ZMAT3: variants seen among roughly 807,000 people sequenced by gnomAD.
ZMAT3 encodes zinc finger matrin-type protein 3.
ZMAT3 carries 17 observed loss-of-function variants against 32.3 expected under a neutral mutation model. The observed-to-expected ratio is 0.53, with a 90% confidence interval of 0.36 to 0.79. The LOEUF (loss-of-function observed/expected upper bound fraction) is 0.79. Ranked by LOEUF, ZMAT3 falls within the 30% of genes least tolerant of loss-of-function variation. The probability of loss-of-function intolerance (pLI) is 0.00; values close to 1 mark genes in which losing one functional copy is unlikely to be tolerated. For missense variants in ZMAT3, 329 were observed against 359.7 expected, an observed-to-expected ratio of 0.91 and a Z score of 0.69; for synonymous variants, 120 against 133.1, an observed-to-expected ratio of 0.90 and a Z score of 0.68.
rs1242683123 is a variant in ZMAT3, at chr3:179,067,243, C to A, written c.270+240G>T. Among the ~76,000 whole-genome samples, 4 of 152,210 alleles carry A rather than the reference C, an allele frequency of 2.6e-5. No individual in the cohort carries two copies. The East Asian group carries it at 5.8e-4, about 22-fold the overall frequency. ...GATCATTTACATTTGCCTACAAAGA[C>A]TGGTAAGCTATCGCATGCCACACAG... On this transcript the variant is annotated intron_variant, in intron 2 of 5. Coordinates refer to ENST00000311417, the MANE Select transcript of ZMAT3 (RefSeq NM_022470.4).
chr3:179,025,261 A>C (rs1188027933), intron 5 of ZMAT3, 33 bp from the exon 6 acceptor site: 1 of 1,516,632 alleles, frequency 6.6e-7, no homozygotes. Flanking sequence ...TATATTCAAA[A>C]TATTCATTAA....
At chr3:179,031,682 G>A (rs1719203903) in intron 2 of ZMAT3, among the ~76,000 whole-genome samples, 2 of 152,126 alleles carry the variant, frequency 1.3e-5, no homozygotes, top group South Asian at 4.1e-4. Flanking sequence ...CAAGGAGGGT[G>A]GATGACCTGA....
rs1718344110 is a variant in ZMAT3, at chr3:179,017,723, T to G, written c.*7294A>C. The G allele has an allele frequency of 6.6e-6, 1 of 152,218 alleles. No homozygotes were observed. Among genetic ancestry groups the G allele is most frequent in the East Asian group, 1.9e-4 (1 of 5,208 alleles). The allele number at this position is 152,218 out of a possible 1,614,324, so 9.4% of individuals were successfully genotyped here. The stretch of plus-strand genomic sequence containing the variant: ...AAGGGTTCTAAAGCCTCCCTTGGTT[T>G]TACATTTTATTCTCTAATTTAAAAC... On this transcript the variant is annotated 3_prime_UTR_variant, in exon 6 of 6. Transcript: ENST00000311417.
chr3:179,020,292 A>G lies in ZMAT3; in HGVS notation c.*4725T>C, dbSNP rs1718479648. 6.6e-6 allele frequency: 1 copy of G among 152,176 alleles called. No individual in the cohort carries two copies. The highest frequency in any genetic ancestry group is 1.5e-5 in the Non-Finnish European group (1 of 68,022). The allele number at this position is 152,176 out of a possible 1,614,324, so 9.4% of individuals were successfully genotyped here. A position where few individuals can be genotyped will look rare whatever the true frequency, so the allele number is the denominator to read the frequency against. ...TAGCTACCCAGAAAGGAAGTTTACA[A>G]ATGTTCCTCCCATTCATAACGGGAA... On this transcript the variant is annotated 3_prime_UTR_variant, in exon 6 of 6. Transcript: ENST00000311417.
intron 2 of ZMAT3, among the ~76,000 whole-genome samples, chr3:179,052,836 C>T (rs1720639128): frequency 6.6e-6 from 1 of 152,026 alleles, no homozygotes; most frequent in African/African-American, 2.4e-5. Context: ...ATGGCATTTG[C>T]AGCAACTTAG....
At chr3:179,057,063 C>T (rs1270848578) in intron 2 of ZMAT3, among the ~76,000 whole-genome samples, 2 of 152,180 alleles carry the variant, frequency 1.3e-5, no homozygotes, top group Admixed American at 1.3e-4. Flanking sequence ...ATTCCGCGTC[C>T]TTTCCCTACC....
chr3:179,037,950 A>G (rs1025602333), intron 2 of ZMAT3, among the ~76,000 whole-genome samples: 1 of 152,220 alleles, frequency 6.6e-6, no homozygotes, highest in Admixed American at 6.5e-5. Context: ...ACATATATAT[A>G]TGTACACACA....
chr3:179,069,251 TAACTGATA>T, intron 1 of ZMAT3, among the ~76,000 whole-genome samples: 1 of 152,128 alleles, frequency 6.6e-6, no homozygotes, highest in South Asian at 2.1e-4. Context: ...TCTTAACAAA[TAACTGATA>T]GTCTCTATTA....
chr3:179,038,639 T>A (rs186904247), intron 2 of ZMAT3, among the ~76,000 whole-genome samples: 1 of 152,136 alleles, frequency 6.6e-6, no homozygotes, highest in South Asian at 2.1e-4. Flanking sequence ...GCTCCCAGCG[T>A]GATCAATGCA....
intron 2 of ZMAT3, among the ~76,000 whole-genome samples, chr3:179,050,383 G>A (rs1162498699): frequency 6.6e-6 from 1 of 151,812 alleles, no homozygotes; most frequent in Non-Finnish European, 1.5e-5. Flanking sequence ...TAAAGGAGAT[G>A]GGTAGAAATA....
intron 5 of ZMAT3, among the ~76,000 whole-genome samples, chr3:179,025,709 A>G (rs1392913957): frequency 6.6e-6 from 1 of 152,212 alleles, no homozygotes; most frequent in African/African-American, 2.4e-5. Context: ...ATAGGATTAA[A>G]GAAAGTATGG....
In ZMAT3 at chr3:179,024,985, G is replaced by C. The variant is rs1430547126; in HGVS notation, c.*32C>G. The C allele has an allele frequency of 1.2e-6, 2 of 1,608,660 alleles. No individual in the cohort carries two copies. Among genetic ancestry groups the C allele is most frequent in the East Asian group, 4.5e-5 (2 of 44,844 alleles). On this transcript the variant is annotated 3_prime_UTR_variant, in exon 6 of 6. Transcript: ENST00000311417. ...GTTGACAAAAGGCAAACAACAGGCA[G>C]GAAAAGCTGCTCTATCTTAATATGA...
chr3:179,024,866 A>AG lies in ZMAT3; in HGVS notation c.*150dup. ...CCCCCCGCCCCGCCCCCGGGCCCCC[A>AG]GGTTTTGACATCTCATGGTACCACT... On this transcript the variant is annotated 3_prime_UTR_variant, in exon 6 of 6. Transcript: ENST00000311417. 1 of 424,766 alleles carries AG rather than the reference A, an allele frequency of 2.4e-6. No individual in the cohort carries two copies. Among genetic ancestry groups the AG allele is most frequent in the Non-Finnish European group, 4.2e-6 (1 of 238,462 alleles). The allele number at this position is 424,766 out of a possible 1,614,324, so 26.3% of individuals were successfully genotyped here. A position where few individuals can be genotyped will look rare whatever the true frequency, so the allele number is the denominator to read the frequency against.
chr3:179,031,400 A>T (rs1480128775), intron 2 of ZMAT3, among the ~76,000 whole-genome samples: 1 of 143,670 alleles, frequency 7.0e-6, no homozygotes, highest in South Asian at 2.2e-4. Flanking sequence ...TTAATCACTT[A>T]AAAAAAAAAA....
intron 2 of ZMAT3, among the ~76,000 whole-genome samples, chr3:179,055,310 A>G (rs1720778660): frequency 6.6e-6 from 1 of 152,222 alleles, no homozygotes; most frequent in Non-Finnish European, 1.5e-5. Context: ...AGTATAAATT[A>G]TAACATCATC....
At chr3:179,061,760 G>C (rs1178781754) in intron 2 of ZMAT3, among the ~76,000 whole-genome samples, 1 of 152,148 alleles carries the variant, frequency 6.6e-6, no homozygotes, top group Non-Finnish European at 1.5e-5. Context: ...TGGAAATACA[G>C]GGAAGGAAAC....
rs528943533 is a variant in ZMAT3, at chr3:179,047,783, C to T, written c.271-16784G>A. On this transcript the variant is annotated intron_variant, in intron 2 of 5. Transcript: ENST00000311417. ...CTGAAGCAGGAGAATCACTTCAGTC[C>T]GGGAGGCAAAGGTTGCAGTGAGCTG... Among the ~76,000 whole-genome samples, 4 of 151,732 alleles carry T rather than the reference C, an allele frequency of 2.6e-5. No individual in the cohort carries two copies. The South Asian group carries it at 6.2e-4, about 24-fold the overall frequency.
chr3:179,026,379 C>CTTTTTT (rs1235818885), intron 5 of ZMAT3, among the ~76,000 whole-genome samples: 80 of 65,928 alleles, frequency 1.2e-3, no homozygotes, highest in Non-Finnish European at 1.6e-3. Context: ...ATGAATTGTG[C>CTTTTTT]TTTTTTTTTT....
chr3:179,047,858 C>CA (rs954568510), intron 2 of ZMAT3, among the ~76,000 whole-genome samples: 22 of 125,596 alleles, frequency 1.8e-4, no homozygotes, highest in South Asian at 5.0e-4. Context: ...GACTCAGTCT[C>CA]AAAAAAAAAA....
Sources: gnomAD v4.1 joint callset for allele counts (sites outside exome capture counted in the v4.1 genomes callset) on GRCh38, gnomAD v4.1.1 for gene constraint, MANE v1.5 for transcripts, NCBI Gene and HGNC (gene_info 2026-07-23, HGNC 2026-07-21) for gene names.